Variants in SLC25A26 observed in about 807,000 individuals in gnomAD.
SLC25A26 encodes mitochondrial S-adenosylmethionine carrier protein.
A neutral mutation model predicts 37.8 loss-of-function variants in SLC25A26; 36 were observed. The observed-to-expected ratio is 0.95, with a 90% CI of 0.73 to 1.26. The LOEUF is 1.26. Ranked by LOEUF, SLC25A26 falls within the 50% of genes most tolerant of loss-of-function variation. The pLI, the probability that SLC25A26 is intolerant of heterozygous loss-of-function variation, is 0.00. For synonymous variants in SLC25A26, 129 were observed against 122.5 expected (o/e 1.05, Z -0.35); for missense variants, 390 against 331.1 (o/e 1.18, Z -1.38).
chr3:66,172,247 C>A (rs560676126), intron 1 of SLC25A26, among the ~76,000 whole-genome samples: 14 of 151,634 alleles, frequency 9.2e-5, no homozygotes, highest in Middle Eastern at 6.8e-3. Context: ...CCTGTCTCTA[C>A]AAAAAATACA....
At chr3:66,294,193 G>C in intron 5 of SLC25A26, among the ~76,000 whole-genome samples, 1 of 151,992 alleles carries the variant, frequency 6.6e-6, no homozygotes, top group Non-Finnish European at 1.5e-5. Flanking sequence ...TGTCATCTCT[G>C]ATACCTCTGA....
intron 5 of SLC25A26, among the ~76,000 whole-genome samples, chr3:66,321,228 C>T (rs781628213): frequency 3.9e-5 from 6 of 152,166 alleles, no homozygotes; most frequent in Admixed American, 6.5e-5. Flanking sequence ...GGTGCTAGGG[C>T]TTAGAATCTG....
chr3:66,199,037 T>C (rs2071079695), intron 1 of SLC25A26, among the ~76,000 whole-genome samples: 1 of 151,636 alleles, frequency 6.6e-6, no homozygotes, highest in Non-Finnish European at 1.5e-5. Flanking sequence ...TGACCCTTAC[T>C]CTGATCTTGA....
intron 1 of SLC25A26, among the ~76,000 whole-genome samples, chr3:66,205,063 CCTGATACT>C (rs1209011858): frequency 1.3e-5 from 2 of 152,094 alleles, no homozygotes; most frequent in Admixed American, 1.3e-4. Context: ...TTTGGGTTTT[CCTGATACT>C]GAAAGATTAA....
intron 5 of SLC25A26, among the ~76,000 whole-genome samples, chr3:66,267,181 C>T (rs558736048): frequency 3.3e-5 from 5 of 150,842 alleles, no homozygotes; most frequent in South Asian, 2.1e-4. Flanking sequence ...GGGTTACAGA[C>T]GAAGCAATGC....
rs114682880 is a variant in SLC25A26, at chr3:66,372,203, T to C, written c.707+1601T>C. Among the ~76,000 whole-genome samples, 786 of 152,302 alleles carry C rather than the reference T, an allele frequency of 5.2e-3. 11 individuals carry two copies. Among genetic ancestry groups the C allele is most frequent in the African/African-American group, 0.014 (577 of 41,546 alleles). On this transcript the variant is annotated intron_variant, in intron 9 of 9. Coordinates refer to ENST00000354883, the MANE Select transcript of SLC25A26 (RefSeq NM_001379210.1). ...TAGACTGTAAAACCAAACTGCCAAATTTCACTGTCCTACTGATTTCAGTGT... is the reference window on the plus strand; with the variant it reads ...TAGACTGTAAAACCAAACTGCCAAACTTCACTGTCCTACTGATTTCAGTGT...
chr3:66,321,272 A>C (rs571658475), intron 5 of SLC25A26, among the ~76,000 whole-genome samples: 1 of 152,210 alleles, frequency 6.6e-6, no homozygotes, highest in African/African-American at 2.4e-5. Flanking sequence ...ATTATGATGC[A>C]TGCTAACGTT....
chr3:66,358,293 CAAAT>C (rs1019656597), intron 6 of SLC25A26, among the ~76,000 whole-genome samples: 3 of 152,148 alleles, frequency 2.0e-5, no homozygotes, highest in African/African-American at 7.2e-5. Flanking sequence ...AGGTTGCACT[CAAAT>C]GAATAATTTG....
chr3:66,152,864 C>G (rs146298586), intron 1 of SLC25A26, among the ~76,000 whole-genome samples: 1 of 152,182 alleles, frequency 6.6e-6, no homozygotes, highest in African/African-American at 2.4e-5. Flanking sequence ...ATACATGGAC[C>G]CTTGCCTTCA....
intron 1 of SLC25A26, among the ~76,000 whole-genome samples, chr3:66,178,013 C>T (rs143948684): frequency 0.05 from 7,607 of 152,168 alleles, 260 homozygotes; most frequent in Non-Finnish European, 0.075. Context: ...TCAAAGATGG[C>T]GACCCCTTGT....
chr3:66,202,554 GA>G (rs1376290729), intron 1 of SLC25A26, among the ~76,000 whole-genome samples: 8 of 129,774 alleles, frequency 6.2e-5, no homozygotes, highest in African/African-American at 2.3e-4. Flanking sequence ...AAAAAGGAAA[GA>G]AAAAAATCTA....
At position 66,369,493 on chromosome 3, in the gene SLC25A26, C is replaced by T. The variant is rs762286658; in HGVS notation, c.584C>T (p.Ala195Val). 4 of 1,604,986 alleles carry T rather than the reference C, an allele frequency of 2.5e-6. No individual in the cohort carries two copies. In the African/African-American group the frequency reaches 5.3e-5, roughly 21 times the overall value. Reference protein sequence around the residue: ...CGAFAGGFAAAVTTPLDVAKT... With the variant: ...CGAFAGGFAAVVTTPLDVAKT... ...ATTTGTACAGGTGGATTTGCCGCTG[C>T]AGTCACCACCCCTCTAGACGTGGCA... is the stretch of plus-strand genomic sequence containing the variant. Residue 195 changes from alanine (A) to valine (V), a missense_variant, in exon 8 of 10, where the codon GCA becomes GTA. Ala to Val is a moderately conservative substitution (Grantham distance 64). Coordinates refer to ENST00000354883, the MANE Select transcript of SLC25A26 (RefSeq NM_001379210.1).
chr3:66,258,187 G>A (rs745792842), intron 3 of SLC25A26, among the ~76,000 whole-genome samples: 1 of 152,132 alleles, frequency 6.6e-6, no homozygotes, highest in Non-Finnish European at 1.5e-5. Flanking sequence ...CACAACTCTG[G>A]CCAACACATG....
chr3:66,185,739 C>T (rs2070813667), intron 1 of SLC25A26, among the ~76,000 whole-genome samples: 1 of 152,134 alleles, frequency 6.6e-6, no homozygotes, highest in African/African-American at 2.4e-5. Context: ...CTATTAACCT[C>T]ACACTGACCC....
At chr3:66,168,748 C>T (rs186886186) in intron 1 of SLC25A26, among the ~76,000 whole-genome samples, 111 of 152,204 alleles carry the variant, frequency 7.3e-4, no homozygotes, top group Non-Finnish European at 1.3e-3. Flanking sequence ...TTGGGGCTGT[C>T]CCCCAAGGAA....
chr3:66,330,088 C>T (rs2075935879), intron 5 of SLC25A26, among the ~76,000 whole-genome samples: 1 of 152,144 alleles, frequency 6.6e-6, no homozygotes, highest in Admixed American at 6.6e-5. Flanking sequence ...TTTTTCAGTA[C>T]ACTCTTGACA....
At chr3:66,362,196 C>G (rs1031962360) in intron 6 of SLC25A26, among the ~76,000 whole-genome samples, 17 of 151,880 alleles carry the variant, frequency 1.1e-4, no homozygotes, top group African/African-American at 4.1e-4. Flanking sequence ...GGTATTTCCC[C>G]AAGAGAAATG....
At chr3:66,349,401 C>A (rs558743144) in intron 6 of SLC25A26, among the ~76,000 whole-genome samples, 1 of 152,236 alleles carries the variant, frequency 6.6e-6, no homozygotes, top group South Asian at 2.1e-4. Context: ...CCCCTGTGAG[C>A]CACTGTTCTG....
chr3:66,172,410 G>GAAAAAAAAAAAAAAAAAAAAAAAAAAAA (rs1199322248), intron 1 of SLC25A26, among the ~76,000 whole-genome samples: 2 of 75,180 alleles, frequency 2.7e-5, no homozygotes, highest in African/African-American at 5.0e-5. Flanking sequence ...TACCTGTAAA[G>GAAAAAAAAAAAAAAAAAAAAAAAAAAAA]AAAAAAAAAA....
Sources: gnomAD v4.1 joint callset for allele counts (sites outside exome capture counted in the v4.1 genomes callset) on GRCh38, gnomAD v4.1.1 for gene constraint, MANE v1.5 for transcripts, NCBI Gene and HGNC (gene_info 2026-07-23, HGNC 2026-07-21) for gene names.